The following DCAF5 variants were observed in gnomAD, a reference collection of about 807,000 sequenced individuals.
The protein encoded by DCAF5 is DDB1 and CUL4 associated factor 5, also known as DDB1- and CUL4-associated factor 5.
DCAF5 carries 9 observed loss-of-function variants against 80.7 expected under a neutral mutation model. The observed-to-expected ratio is 0.11, with a 90% CI of 0.07 to 0.19. The LOEUF is 0.19. DCAF5 is among the 10% of genes least tolerant of loss of function. The pLI is 1.00. For missense variants in DCAF5, 842 were observed against 1,205.7 expected, an observed-to-expected ratio of 0.70 and a Z score of 4.47; for synonymous variants, 433 against 461.9, an observed-to-expected ratio of 0.94 and a Z score of 0.80.
intron 5 of DCAF5, among the ~76,000 whole-genome samples, chr14:69,095,528 T>C (rs2039676087): frequency 6.9e-6 from 1 of 145,146 alleles, no homozygotes; most frequent in African/African-American, 2.4e-5. Flanking sequence ...GGGTTTATTT[T>C]GTTTTGTTTT....
intron 5 of DCAF5, among the ~76,000 whole-genome samples, chr14:69,108,593 A>G (rs1338345929): frequency 6.6e-6 from 1 of 152,198 alleles, no homozygotes; most frequent in Non-Finnish European, 1.5e-5. Context: ...TTGAGATTTC[A>G]GCCAGGATGA....
At chr14:69,149,329 A>C (rs1460671539) in intron 1 of DCAF5, 1 of 152,248 alleles carries the variant, frequency 6.6e-6, no homozygotes, top group Non-Finnish European at 1.5e-5. Flanking sequence ...TTCTGGTCAT[A>C]AACAAGAAAA....
In DCAF5 at chr14:69,055,569, C is replaced by T; in HGVS notation, c.1117G>A (p.Asp373Asn). 6.2e-7 allele frequency: 1 copy of T among 1,610,522 alleles called. No individual in the cohort carries two copies. The highest frequency in any genetic ancestry group is 8.5e-7 in the Non-Finnish European group (1 of 1,176,904). Residue 373 changes from aspartate to asparagine, a missense_variant, in exon 9 of 9, where the codon GAC (aspartate) becomes AAC (asparagine). This residue lies in a region of DCAF5 where 65 missense variants were observed against 191.3 expected (regional missense o/e 0.34). Coordinates refer to ENST00000341516, the MANE Select transcript of DCAF5 (RefSeq NM_003861.3). This position sits in a 1 kb window ranked among gnomAD's most constrained non-coding sequence, Gnocchi z 5.6. ...CGGGAATCGTCCTCAATCCGACCGT[C>T]GAGGTCTCCAGTACATCCTGGCTGC... is the stretch of plus-strand genomic sequence containing the variant. ...YKQPGCTGDL[D>N]GRIEDDSRCL... is the part of the protein sequence containing the mutation.
chr14:69,134,221 C>T (rs919385655), intron 1 of DCAF5, among the ~76,000 whole-genome samples: 3 of 152,130 alleles, frequency 2.0e-5, no homozygotes, highest in South Asian at 2.1e-4. Flanking sequence ...CCTGCTCTTC[C>T]TAAAGTGTGG....
chr14:69,096,183 C>A (rs961004911), intron 5 of DCAF5, among the ~76,000 whole-genome samples: 4 of 152,160 alleles, frequency 2.6e-5, no homozygotes, highest in Non-Finnish European at 5.9e-5. Flanking sequence ...TCCCGATAAT[C>A]CATTAACCAT....
chr14:69,056,602 T>A (rs1334905337), intron 8 of DCAF5, among the ~76,000 whole-genome samples: 2 of 152,168 alleles, frequency 1.3e-5, no homozygotes, highest in Non-Finnish European at 2.9e-5. Context: ...TCAGATGAAA[T>A]CCCAGGCAAT....
chr14:69,118,060 G>A lies in DCAF5; in HGVS notation c.535+79C>T. The A allele has an allele frequency of 6.4e-7, 1 of 1,557,436 alleles. No homozygotes were observed. The highest frequency in any genetic ancestry group is 1.2e-5 in the South Asian group (1 of 86,352). Reference sequence around the variant, plus strand: ...GACATCACTTGCACATAGATACTGAGGTAATAAATTGGATCTTCAATGAAT... The same window carrying A: ...GACATCACTTGCACATAGATACTGAAGTAATAAATTGGATCTTCAATGAAT... On this transcript the variant is annotated intron_variant, in intron 4 of 8. Transcript: ENST00000341516. The surrounding 1 kb of genome is among the most constrained non-coding windows in gnomAD (Gnocchi z 4.0).
At chr14:69,150,860 A>C (rs944946549) in intron 1 of DCAF5, among the ~76,000 whole-genome samples, 1 of 152,178 alleles carries the variant, frequency 6.6e-6, no homozygotes, top group Non-Finnish European at 1.5e-5. Context: ...AGCCCACTGC[A>C]CTCCAGCCTG....
intron 5 of DCAF5, among the ~76,000 whole-genome samples, chr14:69,102,116 T>TC (rs1380201313): frequency 6.6e-6 from 1 of 151,262 alleles, no homozygotes; most frequent in Admixed American, 6.6e-5. Flanking sequence ...ACTTTTTTTT[T>TC]TTTTTTTTTT....
At chr14:69,124,560 G>A (rs1249559698) in intron 1 of DCAF5, among the ~76,000 whole-genome samples, 1 of 152,118 alleles carries the variant, frequency 6.6e-6, no homozygotes, top group Non-Finnish European at 1.5e-5. Flanking sequence ...GATGTCTTAA[G>A]TGTGGCCCAC....
intron 5 of DCAF5, among the ~76,000 whole-genome samples, chr14:69,107,814 C>T (rs1566760982): frequency 6.6e-6 from 1 of 152,186 alleles, no homozygotes; most frequent in African/African-American, 2.4e-5. Context: ...TAAAAGTTAG[C>T]TTTGACTATT....
rs146646042 is a variant in DCAF5 at position 69,054,577 on chromosome 14, G to T, written c.2109C>A (p.Ala703=). 3.7e-6 allele frequency: 6 copies of T among 1,614,196 alleles called. No homozygotes were observed. The Admixed American group carries it at 8.3e-5, about 22-fold the overall frequency. ...RAGTSHKDNP[A]PSSSKEACLN... is the part of the protein sequence containing the mutation. ...GACAGGCTTCCTTACTGGAAGAAGG[G>T]GCTGGGTTGTCTTTGTGGCTGGTTC... is the stretch of plus-strand genomic sequence containing the variant. Residue 703 remains alanine (A), a synonymous_variant, in exon 9 of 9, where the codon GCC becomes GCA. Coordinates refer to ENST00000341516, the MANE Select transcript of DCAF5 (RefSeq NM_003861.3).
chr14:69,152,710 G>C lies in DCAF5; in HGVS notation c.214+55C>G. On this transcript the variant is annotated intron_variant, in intron 1 of 8. Transcript: ENST00000341516. The surrounding 1 kb of genome is among the most constrained non-coding windows in gnomAD (Gnocchi z 4.1). ...AGGAGGGTGACGGGGGAGAGCGAGA[G>C]GGGGAGGCTGGGAGGGTGCGGGGAG... 2.2e-6 allele frequency: 3 copies of C among 1,384,236 alleles called. No individual in the cohort carries two copies. Among genetic ancestry groups the C allele is most frequent in the Admixed American group, 1.9e-5 (1 of 51,858 alleles). 85.7% of individuals were successfully genotyped at this position (1,384,236 alleles called of 1,614,324 possible).
intron 5 of DCAF5, among the ~76,000 whole-genome samples, chr14:69,110,561 T>C (rs2040327093): frequency 6.6e-6 from 1 of 152,028 alleles, no homozygotes; most frequent in African/African-American, 2.4e-5. Context: ...AGCCACTGCG[T>C]CCAGTCCTTT....
At chr14:69,086,301 T>A (rs965097005) in intron 6 of DCAF5, among the ~76,000 whole-genome samples, 3 of 152,104 alleles carry the variant, frequency 2.0e-5, no homozygotes, top group Non-Finnish European at 4.4e-5. Flanking sequence ...GAGGTTGCAG[T>A]GAGCCTAGAT....
At chr14:69,121,935 CTGTG>C (rs747442027) in intron 2 of DCAF5, among the ~76,000 whole-genome samples, 3 of 152,024 alleles carry the variant, frequency 2.0e-5, no homozygotes, top group African/African-American at 4.8e-5. Flanking sequence ...GTGTGTGTGT[CTGTG>C]TGTGTTTCTG....
At chr14:69,073,453 G>A (rs750198376) in intron 7 of DCAF5, among the ~76,000 whole-genome samples, 2 of 152,174 alleles carry the variant, frequency 1.3e-5, no homozygotes, top group Non-Finnish European at 2.9e-5. Context: ...CGTTATTGCA[G>A]CTCTGGCAGA....
intron 5 of DCAF5, among the ~76,000 whole-genome samples, chr14:69,096,075 AG>A (rs757069802): frequency 6.6e-6 from 1 of 152,246 alleles, no homozygotes; most frequent in Non-Finnish European, 1.5e-5. Flanking sequence ...TACAACCCAC[AG>A]AATATGACAA....
chr14:69,055,710 C>T lies in DCAF5; in HGVS notation c.1075-99G>A. On this transcript the variant is annotated intron_variant, in intron 8 of 8. Coordinates refer to ENST00000341516, the MANE Select transcript of DCAF5 (RefSeq NM_003861.3). The surrounding 1 kb of genome is among the most constrained non-coding windows in gnomAD (Gnocchi z 5.6). ...CACCAAGGCAGAACTTCCCCAGACT[C>T]TCCCTGTAATTTAACTAGGACTTGC... 7.2e-6 allele frequency: 9 copies of T among 1,242,906 alleles called. No individual in the cohort carries two copies. Among genetic ancestry groups the T allele is most frequent in the Non-Finnish European group, 1.0e-5 (9 of 889,458 alleles). 77.0% of individuals were successfully genotyped at this position (1,242,906 alleles called of 1,614,324 possible).
Sources: gnomAD v4.1 joint callset for allele counts (sites outside exome capture counted in the v4.1 genomes callset) on GRCh38, gnomAD v4.1.1 for gene constraint, gnomAD v4.1.1 regional missense constraint, Gnocchi (gnomAD v3.1) non-coding constraint, MANE v1.5 for transcripts, NCBI Gene and HGNC (gene_info 2026-07-23, HGNC 2026-07-21) for gene names.